Variants in ADAP2 observed in about 807,000 individuals in gnomAD.
ADAP2 encodes the protein arf-GAP with dual PH domain-containing protein 2.
A neutral mutation model predicts 54.9 loss-of-function variants in ADAP2; 42 were observed. The observed-to-expected ratio is 0.77, with a 90% confidence interval of 0.60 to 0.99. ADAP2 has a LOEUF of 0.99. Among genes scored for constraint, ADAP2 ranks in the 50% least tolerant of loss-of-function variants. ADAP2 has a pLI of 0.00. For missense variants in ADAP2, 429 were observed against 480.4 expected, an observed-to-expected ratio of 0.89 and a Z score of 1.00; for synonymous variants, 177 against 180.1, an observed-to-expected ratio of 0.98 and a Z score of 0.14.
chr17:30,940,585 G>GT (rs1281109979), intron 5 of ADAP2, among the ~76,000 whole-genome samples: 2 of 152,024 alleles, frequency 1.3e-5, no homozygotes, highest in East Asian at 3.9e-4. Context: ...GATTACAGGC[G>GT]TGAGCCACCA....
chr17:30,945,521 G>C (rs1349913795), intron 6 of ADAP2, among the ~76,000 whole-genome samples: 1 of 152,128 alleles, frequency 6.6e-6, no homozygotes, highest in South Asian at 2.1e-4. Context: ...GGAAGCCAAG[G>C]CAGGTGGATC....
chr17:30,957,986 C>A lies in ADAP2; in HGVS notation c.*117C>A. The A allele has an allele frequency of 1.0e-6, 1 of 996,534 alleles. No homozygotes were observed. The highest frequency in any genetic ancestry group is 1.4e-5 in the South Asian group (1 of 72,658). 61.7% of individuals were successfully genotyped at this position (996,534 alleles called of 1,614,324 possible). On this transcript the variant is annotated 3_prime_UTR_variant, in exon 11 of 11. Transcript: ENST00000330889. Reference sequence around the variant, plus strand: ...CCCCGCAGTCAGCAGCCATTCCTGGCAGTGAACTCTGCCAGGACTGAAGCT... The same window carrying A: ...CCCCGCAGTCAGCAGCCATTCCTGGAAGTGAACTCTGCCAGGACTGAAGCT...
intron 3 of ADAP2, among the ~76,000 whole-genome samples, chr17:30,928,389 G>A (rs112964374): frequency 4.6e-5 from 7 of 151,746 alleles, no homozygotes; most frequent in African/African-American, 1.5e-4. Context: ...CCAGCTACTC[G>A]AGAGGCTGAG....
intron 5 of ADAP2, 136 bp downstream of exon 5, chr17:30,934,433 T>A (rs779609937): frequency 4.1e-5 from 25 of 613,112 alleles, no homozygotes; most frequent in Admixed American, 6.4e-5. Context: ...TTTGGCTACT[T>A]TTCCTTGGCT....
chr17:30,927,539 C>T (rs1407360028), intron 3 of ADAP2, among the ~76,000 whole-genome samples: 6 of 150,850 alleles, frequency 4.0e-5, no homozygotes, highest in East Asian at 1.9e-4. Flanking sequence ...GGTGTGAACC[C>T]GGGAGGCAGA....
At chr17:30,952,471 GT>G (rs1904741323) in intron 7 of ADAP2, among the ~76,000 whole-genome samples, 1 of 152,132 alleles carries the variant, frequency 6.6e-6, no homozygotes, top group Admixed American at 6.6e-5. Context: ...TGCCTCCCAA[GT>G]TCAAGGGATT....
In ADAP2 at chr17:30,956,368, G is replaced by A. The variant is rs766262485; in HGVS notation, c.1010G>A (p.Arg337Gln). ...KAGLTIVTPE[R>Q]RFVLTCPSEK... ...GGACTCACCATTGTCACCCCAGAGCGGAGATTTGTCCTCACTTGCCCCAGT... is the reference window on the plus strand; with the variant it reads ...GGACTCACCATTGTCACCCCAGAGCAGAGATTTGTCCTCACTTGCCCCAGT... Residue 337 changes from arginine (R) to glutamine (Q), a missense_variant, in exon 10 of 11, where the codon CGG (arginine) becomes CAG (glutamine). Physicochemically the swap from Arg to Gln is conservative, Grantham distance 43. Transcript: ENST00000330889. 5.0e-6 allele frequency: 8 copies of A among 1,614,100 alleles called. No homozygotes were observed. The highest frequency in any genetic ancestry group is 1.6e-4 in the Middle Eastern group (1 of 6,084).
intron 3 of ADAP2, among the ~76,000 whole-genome samples, chr17:30,928,838 C>G (rs1911267617): frequency 6.6e-6 from 1 of 152,158 alleles, no homozygotes; most frequent in Non-Finnish European, 1.5e-5. Flanking sequence ...CGACTCCTTC[C>G]CAGGGACTTA....
Position 30,926,284 on chromosome 17 carries a change from C to T in ADAP2, c.226-543C>T, listed in dbSNP as rs543869739. On this transcript the variant is annotated intron_variant, in intron 2 of 10. Coordinates refer to ENST00000330889, the MANE Select transcript of ADAP2 (RefSeq NM_018404.3). ...GCTGCCAGGGCCACTTTTGGTGCATCAGCCTCTGGGTCTCTTGGGTGCCAA... is the reference window on the plus strand; with the variant it reads ...GCTGCCAGGGCCACTTTTGGTGCATTAGCCTCTGGGTCTCTTGGGTGCCAA... Among the ~76,000 whole-genome samples, 12 of 152,330 alleles carry T rather than the reference C, an allele frequency of 7.9e-5. No homozygotes were observed. In the South Asian group the frequency reaches 2.1e-3, roughly 26 times the overall value.
At chr17:30,944,231 C>A (rs948324442) in intron 5 of ADAP2, among the ~76,000 whole-genome samples, 1 of 152,098 alleles carries the variant, frequency 6.6e-6, no homozygotes, top group Admixed American at 6.6e-5. Flanking sequence ...GTTCTCTCAG[C>A]AACGTGGATT....
intron 5 of ADAP2, among the ~76,000 whole-genome samples, chr17:30,936,988 G>A (rs971053697): frequency 6.6e-6 from 1 of 152,124 alleles, no homozygotes; most frequent in Admixed American, 6.6e-5. Context: ...GAGTGCAGTG[G>A]CGTGATCTCG....
intron 5 of ADAP2, among the ~76,000 whole-genome samples, chr17:30,935,209 A>G (rs1212341992): frequency 1.3e-5 from 2 of 152,038 alleles, no homozygotes; most frequent in African/African-American, 4.8e-5. Context: ...TCTACTAAAA[A>G]AATATAAAAT....
chr17:30,942,505 TACAGATGCACTC>T (rs1912346727), intron 5 of ADAP2, among the ~76,000 whole-genome samples: 1 of 152,214 alleles, frequency 6.6e-6, no homozygotes, highest in South Asian at 2.1e-4. Context: ...CGCTGTGACC[TACAGATGCACTC>T]ACATATGTGT....
At chr17:30,950,206 A>C (rs1904522537) in intron 7 of ADAP2, among the ~76,000 whole-genome samples, 1 of 152,136 alleles carries the variant, frequency 6.6e-6, no homozygotes, top group Non-Finnish European at 1.5e-5. Context: ...GATCCTCTCC[A>C]TTACAGTTGT....
chr17:30,944,880 GTCTT>G, intron 5 of ADAP2, 23 bp from the exon 6 acceptor site: 1 of 1,609,582 alleles, frequency 6.2e-7, no homozygotes, highest in Non-Finnish European at 8.5e-7. Context: ...GACTGTCAGC[GTCTT>G]TCTTTCTCTT....
intron 5 of ADAP2, 28 bp from the exon 6 acceptor site, chr17:30,944,879 C>T (rs1032557954): frequency 1.9e-5 from 31 of 1,609,002 alleles, no homozygotes; most frequent in Non-Finnish European, 2.4e-5. Context: ...GGACTGTCAG[C>T]GTCTTTCTTT....
chr17:30,942,581 C>A (rs935109253), intron 5 of ADAP2, among the ~76,000 whole-genome samples: 5 of 152,162 alleles, frequency 3.3e-5, no homozygotes, highest in African/African-American at 1.2e-4. Flanking sequence ...AAATCAGGAA[C>A]AATCTCAATA....
chr17:30,948,900 G>A (rs1179491839), intron 6 of ADAP2, among the ~76,000 whole-genome samples: 1 of 152,232 alleles, frequency 6.6e-6, no homozygotes, highest in African/African-American at 2.4e-5. Flanking sequence ...TCACCTGAGA[G>A]CGTGTTAGGA....
chr17:30,924,325 A>G (rs1437458568), intron 2 of ADAP2, among the ~76,000 whole-genome samples: 2 of 151,796 alleles, frequency 1.3e-5, no homozygotes, highest in East Asian at 3.9e-4. Context: ...ATGAGCTGAG[A>G]TCGCACCACT....
Sources: allele counts gnomAD v4.1 joint callset (sites outside exome capture counted in the v4.1 genomes callset), GRCh38; gene constraint gnomAD v4.1.1; transcripts MANE v1.5; gene names NCBI Gene and HGNC (gene_info 2026-07-23, HGNC 2026-07-21).